Variants in ADCY10 observed in about 807,000 individuals in gnomAD.
ADCY10 encodes adenylate cyclase type 10.
ADCY10 carries 156 observed loss-of-function variants against 183.3 expected under a neutral mutation model. That is an observed-to-expected ratio of 0.85 (90% confidence interval 0.75 to 0.97). The LOEUF is 0.97. Among genes scored for constraint, ADCY10 ranks in the 50% least tolerant of loss-of-function variants. The pLI is 0.00. For synonymous variants in ADCY10, 645 were observed against 670.0 expected, an observed-to-expected ratio of 0.96 and a Z score of 0.58; for missense variants, 1,745 against 1,934.3, an observed-to-expected ratio of 0.90 and a Z score of 1.84.
At chr1:167,862,543 C>A (rs1235088932) in intron 14 of ADCY10, among the ~76,000 whole-genome samples, 2 of 152,124 alleles carry the variant, frequency 1.3e-5, no homozygotes, top group Non-Finnish European at 2.9e-5. Flanking sequence ...GACTCCTACC[C>A]CTGAGAACTA....
At chr1:167,900,045 TG>T (rs1669284727) in intron 5 of ADCY10, among the ~76,000 whole-genome samples, 1 of 152,080 alleles carries the variant, frequency 6.6e-6, no homozygotes, top group Non-Finnish European at 1.5e-5. Context: ...CAACAAAGGG[TG>T]GGGGAAAGGA....
intron 14 of ADCY10, among the ~76,000 whole-genome samples, chr1:167,868,227 T>G (rs923079117): frequency 6.6e-6 from 1 of 151,994 alleles, no homozygotes; most frequent in East Asian, 1.9e-4. Context: ...TCATGTTACG[T>G]TTGTGGAGAA....
intron 16 of ADCY10, among the ~76,000 whole-genome samples, chr1:167,858,175 A>T (rs1409006275): frequency 1.3e-5 from 2 of 152,132 alleles, no homozygotes. Context: ...ATCAATAGTG[A>T]TATGGAAATG....
Position 167,845,570 on chromosome 1 carries a change from T to C in ADCY10, c.3000A>G (p.Gly1000=). 2 of 1,614,164 alleles carry C rather than the reference T, an allele frequency of 1.2e-6. No homozygotes were observed. Among genetic ancestry groups the C allele is most frequent in the South Asian group, 2.2e-5 (2 of 91,084 alleles). ...TAAAATGAAGTAGGTTACTTTTAAATCCATGAGACATAGCCATCTTTTTAA... is the reference window on the plus strand; with the variant it reads ...TAAAATGAAGTAGGTTACTTTTAAACCCATGAGACATAGCCATCTTTTTAA... The part of the protein sequence containing the change: ...DAIKKMAMSH[G]FKTEEKLILS... The change falls in exon 21 of 33, where the codon GGA becomes GGG. Residue 1000 remains glycine (G), a synonymous_variant. Coordinates refer to ENST00000367851, the MANE Select transcript of ADCY10 (RefSeq NM_018417.6).
intron 1 of ADCY10, among the ~76,000 whole-genome samples, chr1:167,905,753 T>G (rs1669770431): frequency 6.6e-6 from 1 of 152,094 alleles, no homozygotes; most frequent in Non-Finnish European, 1.5e-5. Flanking sequence ...TGTGTGTGTG[T>G]GTGTGTGTGG....
intron 2 of ADCY10, 29 bp downstream of exon 2, chr1:167,904,964 C>T: frequency 6.2e-7 from 1 of 1,614,188 alleles, no homozygotes; most frequent in South Asian, 1.1e-5. Context: ...TGCTCATCCA[C>T]ATTAAACAAA....
At chr1:167,872,069 C>T (rs938769282) in intron 13 of ADCY10, among the ~76,000 whole-genome samples, 2 of 152,012 alleles carry the variant, frequency 1.3e-5, no homozygotes, top group Non-Finnish European at 2.9e-5. Context: ...AGGCTGGGAG[C>T]GGTGGCTCAC....
Position 167,818,241 on chromosome 1 carries a change from T to C in ADCY10, c.4313A>G (p.Asn1438Ser), listed in dbSNP as rs41270737. Reference sequence around the variant, plus strand: ...AGCTCTATTGGAAAATTTGTAAAAGTTGTCCCATTCCTGAAGTCTGGCATA... The same window carrying C: ...AGCTCTATTGGAAAATTTGTAAAAGCTGTCCCATTCCTGAAGTCTGGCATA... The part of the protein sequence containing the change: ...IWYARLQEWD[N>S]FYKFSNRAKN... Residue 1438 changes from asparagine (N) to serine (S), a missense_variant, in exon 31 of 33, where the codon AAC becomes AGC. By Grantham distance (46) the Asn-to-Ser change is conservative (BLOSUM62 1). Transcript: ENST00000367851. 15,982 of 1,614,074 alleles carry C rather than the reference T, an allele frequency of 9.9e-3. 112 individuals are homozygous for C. The highest frequency in any genetic ancestry group is 0.018 in the Middle Eastern group (112 of 6,060).
chr1:167,810,928 C>A lies in ADCY10; in HGVS notation c.4483-15G>T, dbSNP rs968764847. 16 of 1,612,746 alleles carry A rather than the reference C, an allele frequency of 9.9e-6. No homozygotes were observed. The highest frequency in any genetic ancestry group is 1.3e-5 in the Non-Finnish European group (15 of 1,178,908). ...TTCTCCAAGTTCTAAAGAAAAAAAA[C>A]CCACAACAGTATATTAGAATTAAAC... On this transcript the variant is annotated splice_polypyrimidine_tract_variant and intron_variant, in intron 31 of 32. Coordinates refer to ENST00000367851, the MANE Select transcript of ADCY10 (RefSeq NM_018417.6).
intron 14 of ADCY10, among the ~76,000 whole-genome samples, chr1:167,863,732 T>G (rs993162024): frequency 2.0e-5 from 3 of 152,228 alleles, no homozygotes; most frequent in Non-Finnish European, 4.4e-5. Context: ...TTTGCCCCGG[T>G]GGGACACCTC....
At chr1:167,826,111 T>C (rs1334435520) in intron 26 of ADCY10, among the ~76,000 whole-genome samples, 3 of 152,228 alleles carry the variant, frequency 2.0e-5, no homozygotes, top group Non-Finnish European at 4.4e-5. Context: ...TTCTGTGTTA[T>C]AGGCAGGTCC....
In ADCY10 at chr1:167,845,601, T is replaced by A; in HGVS notation, c.2969A>T (p.Asp990Val). ...AGACATAGCCATCTTTTTAATGGCA[T>A]CCATGTCTAAAGCGTTGAGCCGAAT... ...VNIRLNALDM[D>V]AIKKMAMSHG... The change falls in exon 21 of 33, where the codon GAT (aspartate) becomes GTT (valine). Residue 990 changes from aspartate (D) to valine (V), a missense_variant. Transcript: ENST00000367851. The A allele has an allele frequency of 1.9e-6, 3 of 1,614,236 alleles. No individual in the cohort carries two copies. The highest frequency in any genetic ancestry group is 2.5e-6 in the Non-Finnish European group (3 of 1,180,018).
rs1250485889 is a variant in ADCY10 at position 167,836,415 on chromosome 1, A to G, written c.3203T>C (p.Ile1068Thr). 13 of 1,614,088 alleles carry G rather than the reference A, an allele frequency of 8.1e-6. No homozygotes were observed. The highest frequency in any genetic ancestry group is 1.1e-5 in the Non-Finnish European group (13 of 1,180,020). The change falls in exon 23 of 33, where the codon ATC becomes ACC. Residue 1068 changes from isoleucine (I) to threonine (T), a missense_variant. Coordinates refer to ENST00000367851, the MANE Select transcript of ADCY10 (RefSeq NM_018417.6). ...CQCEEILEIV[I>T]LPLAHHFLAL... ...CAGAAAATGGTGGGCCAGAGGCAAG[A>G]TGACAATCTCTAGGATTTCTTCACA...
intron 30 of ADCY10, chr1:167,821,282 G>A (rs796709660): frequency 7.2e-5 from 11 of 152,978 alleles, no homozygotes; most frequent in Non-Finnish European, 1.3e-4. Context: ...AATGGGGTGC[G>A]GGGAGAATGC....
intron 19 of ADCY10, among the ~76,000 whole-genome samples, chr1:167,847,477 G>C (rs190293441): frequency 6.8e-6 from 1 of 147,318 alleles, no homozygotes; most frequent in Non-Finnish European, 1.5e-5. Flanking sequence ...GTGCAATGGC[G>C]TGATCTCGGC....
chr1:167,900,215 A>G (rs866238027), intron 5 of ADCY10, among the ~76,000 whole-genome samples: 31 of 152,246 alleles, frequency 2.0e-4, no homozygotes, highest in African/African-American at 7.2e-4. Context: ...TAAGTGACAC[A>G]CATTTCTTTC....
chr1:167,910,695 G>A (rs16859917), intron 1 of ADCY10, among the ~76,000 whole-genome samples: 4,564 of 152,216 alleles, frequency 0.03, 234 homozygotes, highest in African/African-American at 0.1. Context: ...AGTATGTTCC[G>A]TAGGCATGGG....
Position 167,824,561 on chromosome 1 carries a change from G to C in ADCY10, c.3967C>G (p.Leu1323Val). The change falls in exon 28 of 33, where the codon CTT becomes GTT. Residue 1323 changes from leucine to valine, a missense_variant. Transcript: ENST00000367851. ...TTCTGGAGCAGTGCCCACATCTGAA[G>C]GGCTCGGGAGCCTGGGAAGAAAACA... ...DLAIELGSRA[L>V]QMWALLQNPN... is the part of the protein sequence containing the mutation. 6.2e-7 allele frequency: 1 copy of C among 1,614,184 alleles called. No homozygotes were observed. Among genetic ancestry groups the C allele is most frequent in the Non-Finnish European group, 8.5e-7 (1 of 1,180,026 alleles).
Position 167,814,778 on chromosome 1 carries a change from A to G in ADCY10, c.4482+3294T>C, listed in dbSNP as rs747061101. 1.4e-4 allele frequency among the ~76,000 whole-genome samples: 21 copies of G among 152,326 alleles called. No individual in the cohort carries two copies. The South Asian group carries it at 1.5e-3, about 11-fold the overall frequency. On this transcript the variant is annotated intron_variant, in intron 31 of 32. Transcript: ENST00000367851. The stretch of plus-strand genomic sequence containing the variant: ...AATGTATTTCATACCACTGAACTGC[A>G]TACTTAAACATGATTAAAATGTTAA...
Sources: gnomAD v4.1 joint callset for allele counts (sites outside exome capture counted in the v4.1 genomes callset) on GRCh38, gnomAD v4.1.1 for gene constraint, MANE v1.5 for transcripts, NCBI Gene and HGNC (gene_info 2026-07-23, HGNC 2026-07-21) for gene names.